The following TTLL1 variants were observed in gnomAD, a reference collection of about 807,000 sequenced individuals.
The protein encoded by TTLL1 is TTL family tubulin polyglutamylase complex subunit L1, also known as polyglutamylase complex subunit TTLL1.
In TTLL1, 33 loss-of-function variants were observed where a neutral mutation model predicts 47.8. That is an observed-to-expected ratio of 0.69 (90% CI 0.52 to 0.92). TTLL1 has a LOEUF of 0.92. Ranked by LOEUF, TTLL1 falls within the 40% of genes least tolerant of loss-of-function variation. TTLL1 has a pLI of 0.00. For synonymous variants in TTLL1, 225 were observed against 214.1 expected (o/e 1.05, Z -0.45); for missense variants, 488 against 547.5 (o/e 0.89, Z 1.08).
chr22:43,046,268 A>C, intron 10 of TTLL1, 142 bp downstream of exon 10: 1 of 873,348 alleles, frequency 1.1e-6, no homozygotes, highest in Non-Finnish European at 1.8e-6. Context: ...CTACAACAAG[A>C]TCTATCCCAT....
chr22:43,047,745 A>G (rs913482092), intron 9 of TTLL1, among the ~76,000 whole-genome samples: 4 of 152,112 alleles, frequency 2.6e-5, no homozygotes, highest in Non-Finnish European at 5.9e-5. Flanking sequence ...CTGGGGTTAC[A>G]GGCGTGAGCC....
At chr22:43,078,516 C>G (rs56050372) in intron 2 of TTLL1, among the ~76,000 whole-genome samples, 1 of 151,672 alleles carries the variant, frequency 6.6e-6, no homozygotes. Flanking sequence ...GAAGGAAAAA[C>G]AAAAGAGAAG....
At position 43,056,462 on chromosome 22, in the gene TTLL1, C is replaced by CTT. The variant is rs1052016247; in HGVS notation, c.891+2920_891+2921dup. Among the ~76,000 whole-genome samples the CTT allele has an allele frequency of 4.2e-3, 440 of 103,684 alleles. 1 individual carries two copies. The highest frequency in any genetic ancestry group is 0.014 in the African/African-American group (383 of 27,526). The allele number at this position is 103,684 out of a possible 152,430, so 68.0% of individuals were successfully genotyped here. On this transcript the variant is annotated intron_variant, in intron 8 of 10. Transcript: ENST00000266254. ...CACACATTTCCATCTTTCTTCTTGT[C>CTT]TTTTTTTTTTTTTTTTTTTTTTTTA...
At chr22:43,054,255 C>T (rs1012442614) in intron 8 of TTLL1, among the ~76,000 whole-genome samples, 5 of 152,174 alleles carry the variant, frequency 3.3e-5, no homozygotes, top group African/African-American at 1.2e-4. Flanking sequence ...GCACTCGGCC[C>T]CTAAGATGTA....
intron 2 of TTLL1, among the ~76,000 whole-genome samples, chr22:43,076,563 A>G (rs1219721547): frequency 1.3e-5 from 2 of 151,780 alleles, no homozygotes; most frequent in East Asian, 1.9e-4. Context: ...CATCCTGGCT[A>G]ACACGGTGAA....
chr22:43,076,338 C>A (rs1471293277), intron 2 of TTLL1, among the ~76,000 whole-genome samples: 1 of 152,202 alleles, frequency 6.6e-6, no homozygotes, highest in African/African-American at 2.4e-5. Flanking sequence ...CACCCGTAAT[C>A]CCAACTACTC....
At position 43,059,396 on chromosome 22, in the gene TTLL1, C is replaced by G. The variant is rs1029524890; in HGVS notation, c.879G>C (p.Leu293=). ...GCACCAAACTCACCGCCACAGCCTT[C>G]AGGGACTGCACGATGATCCAGTGGA... ...DEIHWIIVQS[L]KAVAPVMNND... The change falls in exon 8 of 11, where the codon CTG becomes CTC. Residue 293 remains leucine (L), a synonymous_variant. Transcript: ENST00000266254. 1 of 1,613,328 alleles carries G rather than the reference C, an allele frequency of 6.2e-7. No individual in the cohort carries two copies. Among genetic ancestry groups the G allele is most frequent in the Admixed American group, 1.7e-5 (1 of 59,946 alleles).
Position 43,068,014 on chromosome 22 carries a change from C to T in TTLL1, c.503+396G>A, listed in dbSNP as rs1304186129. 2.8e-5 allele frequency among the ~76,000 whole-genome samples: 4 copies of T among 145,212 alleles called. No individual in the cohort carries two copies. In the South Asian group the frequency reaches 8.8e-4, roughly 32 times the overall value. ...TATTTTTAGTAGAGATGGAGTTTCGCCATCTTGGCCAGGCTGGTCTTGATC... is the reference window on the plus strand; with the variant it reads ...TATTTTTAGTAGAGATGGAGTTTCGTCATCTTGGCCAGGCTGGTCTTGATC... On this transcript the variant is annotated intron_variant, in intron 5 of 10. Coordinates refer to ENST00000266254, the MANE Select transcript of TTLL1 (RefSeq NM_012263.5).
chr22:43,043,311 G>A (rs976718950), intron 10 of TTLL1, among the ~76,000 whole-genome samples: 5 of 151,744 alleles, frequency 3.3e-5, no homozygotes, highest in Non-Finnish European at 7.4e-5. Context: ...GGCTGGACGC[G>A]GCAGAGGCTC....
Position 43,046,464 on chromosome 22 carries a change from T to C in TTLL1, c.1088A>G (p.Asp363Gly). The C allele has an allele frequency of 1.2e-6, 2 of 1,614,058 alleles. No individual in the cohort carries two copies. The highest frequency in any genetic ancestry group is 2.2e-5 in the South Asian group (2 of 91,072). Reference sequence around the variant, plus strand: ...AGGTGGCGACTTGTTCCATTTGCAGTCTGGGATTTCACCATTCGGGACGGC... The same window carrying C: ...AGGTGGCGACTTGTTCCATTTGCAGCCTGGGATTTCACCATTCGGGACGGC... Reference protein sequence around the residue: ...NIAVPNGEIPDCKWNKSPPKE... With the variant: ...NIAVPNGEIPGCKWNKSPPKE... The change falls in exon 10 of 11, where the codon GAC (aspartate) becomes GGC (glycine). Residue 363 changes from aspartate to glycine, a missense_variant. Transcript: ENST00000266254.
intron 8 of TTLL1, among the ~76,000 whole-genome samples, chr22:43,056,462 C>CTTTTTT (rs1052016247): frequency 2.9e-5 from 3 of 103,706 alleles, no homozygotes; most frequent in South Asian, 3.1e-4. Flanking sequence ...TTCTTCTTGT[C>CTTTTTT]TTTTTTTTTT....
At chr22:43,086,980 C>A (rs1021890378) in intron 1 of TTLL1, among the ~76,000 whole-genome samples, 3 of 152,210 alleles carry the variant, frequency 2.0e-5, no homozygotes, top group East Asian at 1.9e-4. Context: ...TGGACCATCA[C>A]CTCTTAGGCC....
At chr22:43,053,924 G>A (rs981894049) in intron 8 of TTLL1, among the ~76,000 whole-genome samples, 5 of 152,220 alleles carry the variant, frequency 3.3e-5, no homozygotes, top group Admixed American at 1.3e-4. Flanking sequence ...GAGGGAGGGA[G>A]AGCAAAGGGC....
At chr22:43,085,396 G>C (rs999528835) in intron 1 of TTLL1, among the ~76,000 whole-genome samples, 1 of 152,204 alleles carries the variant, frequency 6.6e-6, no homozygotes, top group Admixed American at 6.5e-5. Flanking sequence ...GATATGATTT[G>C]TCTGTATCCC....
chr22:43,059,362 C>G, intron 8 of TTLL1, 22 bp downstream of exon 8: 1 of 1,597,078 alleles, frequency 6.3e-7, no homozygotes, highest in Non-Finnish European at 8.5e-7. Context: ...GGAGCCGGCT[C>G]CCCCGCCCGC....
intron 3 of TTLL1, among the ~76,000 whole-genome samples, chr22:43,071,171 C>G (rs962208176): frequency 1.3e-5 from 2 of 152,096 alleles, no homozygotes; most frequent in Non-Finnish European, 1.5e-5. Flanking sequence ...GCCGCCTCAG[C>G]CTCCCAAAGT....
At chr22:43,053,385 G>A (rs998683955) in intron 8 of TTLL1, among the ~76,000 whole-genome samples, 12 of 152,148 alleles carry the variant, frequency 7.9e-5, no homozygotes, top group Non-Finnish European at 1.0e-4. Flanking sequence ...GTAATTTAGC[G>A]GAATTACATT....
rs146301483 is a variant in TTLL1 at position 43,070,313 on chromosome 22, T to C, written c.114-469A>G. 3.4e-4 allele frequency: 267 copies of C among 788,644 alleles called. 5 individuals carry two copies. In the East Asian group the frequency reaches 0.017, roughly 50 times the overall value. 48.9% of individuals were successfully genotyped at this position (788,644 alleles called of 1,614,324 possible). On this transcript the variant is annotated intron_variant, in intron 3 of 10. Transcript: ENST00000266254. ...TATTTGATATTCTTGGAGAGTCTGCTGAAGGGGCAAGTTGGGGACGACAGA... is the reference window on the plus strand; with the variant it reads ...TATTTGATATTCTTGGAGAGTCTGCCGAAGGGGCAAGTTGGGGACGACAGA...
chr22:43,050,501 TG>T (rs1462526176), intron 9 of TTLL1, among the ~76,000 whole-genome samples: 2 of 132,066 alleles, frequency 1.5e-5, no homozygotes, highest in African/African-American at 7.0e-5. Flanking sequence ...CAAGTCACTC[TG>T]GTTTTTTTTT....
Sources: gnomAD v4.1 joint callset for allele counts (sites outside exome capture counted in the v4.1 genomes callset) on GRCh38, gnomAD v4.1.1 for gene constraint, MANE v1.5 for transcripts, NCBI Gene and HGNC (gene_info 2026-07-23, HGNC 2026-07-21) for gene names.